The following ZNF669 variants were observed in gnomAD, a reference collection of about 807,000 sequenced individuals.
ZNF669 encodes the protein zinc finger protein 669.
A neutral mutation model predicts 11.4 loss-of-function variants in ZNF669; 7 were observed. The observed-to-expected ratio is 0.62, with a 90% CI of 0.35 to 1.16. ZNF669 has a LOEUF of 1.16. ZNF669 is among the 50% of genes most tolerant of loss of function. The pLI is 0.02. For synonymous variants in ZNF669, 153 were observed against 155.8 expected (o/e 0.98, Z 0.13); for missense variants, 492 against 463.6 (o/e 1.06, Z -0.56).
rs369784884 is a variant in ZNF669, at chr1:247,103,910, G to T, written c.3+287C>A. 5 of 1,565,870 alleles carry T rather than the reference G, an allele frequency of 3.2e-6. No homozygotes were observed. The African/African-American group carries it at 5.4e-5, about 17-fold the overall frequency. On this transcript the variant is annotated intron_variant, in intron 1 of 3. Coordinates refer to ENST00000448299, the MANE Select transcript of ZNF669 (RefSeq NM_001142572.2). The stretch of plus-strand genomic sequence containing the variant: ...CGAGACACCGAGTCGGGGCTCTCCC[G>T]CATCACCCTCCCGTGGTCACCACAC...
At position 247,100,517 on chromosome 1, in the gene ZNF669, A is replaced by G; in HGVS notation, c.994T>C (p.Tyr332His). Reference sequence around the variant, plus strand: ...GCTTTACCGCATTTCTTACATTCATAGGGTTTTTCTCCAGTATGAATTCTT... The same window carrying G: ...GCTTTACCGCATTTCTTACATTCATGGGGTTTTTCTCCAGTATGAATTCTT... Reference protein sequence around the residue: ...HERIHTGEKPYECKKCGKAYT... With the variant: ...HERIHTGEKPHECKKCGKAYT... Residue 332 changes from tyrosine (Y) to histidine (H), a missense_variant, in exon 4 of 4, where the codon TAT (tyrosine) becomes CAT (histidine). Transcript: ENST00000448299. 1 of 1,614,214 alleles carries G rather than the reference A, an allele frequency of 6.2e-7. No homozygotes were observed. The highest frequency in any genetic ancestry group is 8.5e-7 in the Non-Finnish European group (1 of 1,180,034).
At position 247,100,973 on chromosome 1, in the gene ZNF669, C is replaced by A; in HGVS notation, c.538G>T (p.Glu180Ter). The A allele has an allele frequency of 6.2e-7, 1 of 1,613,178 alleles. No individual in the cohort carries two copies. Among genetic ancestry groups the A allele is most frequent in the Non-Finnish European group, 8.5e-7 (1 of 1,179,804 alleles). Residue 180 changes from glutamate to a stop codon, truncating the protein, a stop_gained, in exon 4 of 4, where the codon GAA (glutamate) becomes TAA (stop). Coordinates refer to ENST00000448299, the MANE Select transcript of ZNF669 (RefSeq NM_001142572.2). LOFTEE classifies it low-confidence loss of function (END_TRUNC). ...CCTGTGTGAGTTCTCTGATGTCTTT[C>A]AACTGAATTGAGAAAATAAAAAGCT... ...GKAFYFLNSV[E>*]RHQRTHTGEK...
At chr1:247,103,974 C>A (rs766734081) in intron 1 of ZNF669, 1 of 1,604,072 alleles carries the variant, frequency 6.2e-7, no homozygotes, top group Non-Finnish European at 8.5e-7. Flanking sequence ...CGACAGGGCT[C>A]CGGCCGGCGG....
At position 247,102,090 on chromosome 1, in the gene ZNF669, C is replaced by T; in HGVS notation, c.27G>A (p.Val9=). The T allele has an allele frequency of 6.2e-7, 1 of 1,610,172 alleles. No individual in the cohort carries two copies. Among genetic ancestry groups the T allele is most frequent in the Non-Finnish European group, 8.5e-7 (1 of 1,178,386 alleles). Residue 9 remains valine (V), a synonymous_variant, in exon 2 of 4, where the codon GTG becomes GTA. Transcript: ENST00000448299. MDSVAFED[V]AVNFTQEEWA... ...ATTCCTCCTGGGTAAAGTTCACAGCCACATCCTCAAAAGCCACCGAGTCCT... is the reference window on the plus strand; with the variant it reads ...ATTCCTCCTGGGTAAAGTTCACAGCTACATCCTCAAAAGCCACCGAGTCCT...
chr1:247,101,408 A>G (rs775181383), intron 3 of ZNF669, 89 bp from the exon 4 acceptor site: 11 of 1,419,724 alleles, frequency 7.7e-6, no homozygotes, highest in East Asian at 4.6e-5. Context: ...ACTGCTACCA[A>G]TATCAGGGAA....
At position 247,101,798 on chromosome 1, in the gene ZNF669, T is replaced by C. The variant is rs373822352; in HGVS notation, c.131-7A>G. On this transcript the variant is annotated splice_polypyrimidine_tract_variant and splice_region_variant and intron_variant, in intron 2 of 3. Transcript: ENST00000448299. ...TGGTCTTTCCATTGGCTTCCTAAAA[T>C]GCAGACCCATAAAATTATCATGAAT... is the stretch of plus-strand genomic sequence containing the variant. The C allele has an allele frequency of 3.7e-6, 6 of 1,613,456 alleles. No individual in the cohort carries two copies. The African/African-American group carries it at 8.0e-5, about 22-fold the overall frequency.
At position 247,100,224 on chromosome 1, in the gene ZNF669, T is replaced by C. The variant is rs1671687653; in HGVS notation, c.*150A>G. ...TGGTCTCGATCTCCTGACCTCGTGA[T>C]CCACCCGCCTCGGCCTCCCAAAGTG... On this transcript the variant is annotated 3_prime_UTR_variant, in exon 4 of 4. Transcript: ENST00000448299. 2 of 592,028 alleles carry C rather than the reference T, an allele frequency of 3.4e-6. No homozygotes were observed. Among genetic ancestry groups the C allele is most frequent in the South Asian group, 4.3e-5 (2 of 46,404 alleles). 36.7% of individuals were successfully genotyped at this position (592,028 alleles called of 1,614,324 possible).
Position 247,100,873 on chromosome 1 carries a change from G to A in ZNF669, c.638C>T (p.Thr213Ile), listed in dbSNP as rs755222060. ...VSGSCLIHERTHTGEKPYECK... is the reference protein window; with the variant it reads ...VSGSCLIHERIHTGEKPYECK... Reference sequence around the variant, plus strand: ...TTCGTAGGGTTTCTCTCCAGTGTGAGTTCGTTCATGTATTAGACAAGAACC... The same window carrying A: ...TTCGTAGGGTTTCTCTCCAGTGTGAATTCGTTCATGTATTAGACAAGAACC... The change falls in exon 4 of 4, where the codon ACT becomes ATT. Residue 213 changes from threonine to isoleucine, a missense_variant. Transcript: ENST00000448299. The A allele has an allele frequency of 6.2e-7, 1 of 1,614,144 alleles. No homozygotes were observed. The highest frequency in any genetic ancestry group is 8.5e-7 in the Non-Finnish European group (1 of 1,180,034).
intron 3 of ZNF669, 129 bp downstream of exon 3, chr1:247,101,602 T>C: frequency 1.1e-6 from 1 of 950,094 alleles, no homozygotes; most frequent in Non-Finnish European, 1.5e-6. Flanking sequence ...CGTTACATTT[T>C]GGGTGAAATT....
rs1476064739 is a variant in ZNF669, at chr1:247,100,689, T to A, written c.822A>T (p.Arg274Ser). The change falls in exon 4 of 4, where the codon AGA becomes AGT. Residue 274 changes from arginine (R) to serine (S), a missense_variant. By Grantham distance (110) the Arg-to-Ser change is moderately radical (BLOSUM62 -1). Transcript: ENST00000448299. ...RYHGSIHTGE[R>S]PYECKQCGKA... ...TGCCACATTGTTTACACTCATAGGG[T>A]CTCTCTCCAGTATGAATGCTTCCAT... is the stretch of plus-strand genomic sequence containing the variant. 6.2e-7 allele frequency: 1 copy of A among 1,614,126 alleles called. No individual in the cohort carries two copies. The highest frequency in any genetic ancestry group is 8.5e-7 in the Non-Finnish European group (1 of 1,179,986).
chr1:247,102,783 A>T (rs1671749713), intron 1 of ZNF669, among the ~76,000 whole-genome samples: 1 of 152,248 alleles, frequency 6.6e-6, no homozygotes, highest in Non-Finnish European at 1.5e-5. Context: ...ATGTGATTAC[A>T]CCAAGAGAGA....
intron 2 of ZNF669, 72 bp from the exon 3 acceptor site, chr1:247,101,863 C>T (rs1671731562): frequency 6.2e-7 from 1 of 1,602,314 alleles, no homozygotes; most frequent in Non-Finnish European, 8.5e-7. Flanking sequence ...TTAATGTTCA[C>T]TGTACACAGT....
Position 247,100,213 on chromosome 1 carries a change from T to C in ZNF669, c.*161A>G. 1.7e-6 allele frequency: 1 copy of C among 581,416 alleles called. No homozygotes were observed. The highest frequency in any genetic ancestry group is 3.0e-6 in the Non-Finnish European group (1 of 330,896). The allele number at this position is 581,416 out of a possible 1,614,324, so 36.0% of individuals were successfully genotyped here. On this transcript the variant is annotated 3_prime_UTR_variant, in exon 4 of 4. Coordinates refer to ENST00000448299, the MANE Select transcript of ZNF669 (RefSeq NM_001142572.2). ...GTTGGCCAGGATGGTCTCGATCTCC[T>C]GACCTCGTGATCCACCCGCCTCGGC... is the stretch of plus-strand genomic sequence containing the variant.
rs560830744 is a variant in ZNF669, at chr1:247,104,290, G to C, written c.-91C>G. 7.0e-7 allele frequency: 1 copy of C among 1,431,666 alleles called. No homozygotes were observed. The highest frequency in any genetic ancestry group is 1.5e-5 in the African/African-American group (1 of 67,890). The allele number at this position is 1,431,666 out of a possible 1,614,324, so 88.7% of individuals were successfully genotyped here. The stretch of plus-strand genomic sequence containing the variant: ...GCAGAGGCTGCTGCAGAGCCACCTG[G>C]GCCTCCCAGAGCCAAGAACTAGCAG... On this transcript the variant is annotated 5_prime_UTR_variant, in exon 1 of 4. Transcript: ENST00000448299.
In ZNF669 at chr1:247,103,147, A is replaced by T. The variant is rs75109431; in HGVS notation, c.4-1034T>A. Among the ~76,000 whole-genome samples the T allele has an allele frequency of 1.1e-4, 17 of 152,334 alleles. No individual in the cohort carries two copies. The East Asian group carries it at 3.3e-3, about 29-fold the overall frequency. ...ATATTCAGGACAGCACAGTATTAGC[A>T]GAGAGATGAGCAAGCAGACCAAGGG... On this transcript the variant is annotated intron_variant, in intron 1 of 3. Coordinates refer to ENST00000448299, the MANE Select transcript of ZNF669 (RefSeq NM_001142572.2).
rs58671011 is a variant in ZNF669 at position 247,103,632 on chromosome 1, CAAAAAAAAAA to C, written c.3+555_3+564del. Among the ~76,000 whole-genome samples the C allele has an allele frequency of 9.0e-3, 452 of 50,048 alleles. 1 individual carries two copies. Among genetic ancestry groups the C allele is most frequent in the African/African-American group, 0.023 (427 of 18,318 alleles). The allele number at this position is 50,048 out of a possible 152,430, so 32.8% of individuals were successfully genotyped here. ...TGGCGACAGGGCGAGATTCCGTCTCCAAAAAAAAAAAAAAAAAAAAAAAAAAAGAATATGG... is the reference window on the plus strand; with the variant it reads ...TGGCGACAGGGCGAGATTCCGTCTCCAAAAAAAAAAAAAAAAAGAATATGG... On this transcript the variant is annotated intron_variant, in intron 1 of 3. Coordinates refer to ENST00000448299, the MANE Select transcript of ZNF669 (RefSeq NM_001142572.2).
chr1:247,101,660 CTTGTTT>C, intron 3 of ZNF669, 65 bp downstream of exon 3: 1 of 1,398,888 alleles, frequency 7.1e-7, no homozygotes, highest in Non-Finnish European at 9.8e-7. Context: ...GTTTTGATTG[CTTGTTT>C]TTAAGTTCAT....
rs764291919 is a variant in ZNF669, at chr1:247,100,437, A to C, written c.1074T>G (p.Ala358=). 21 of 1,614,076 alleles carry C rather than the reference A, an allele frequency of 1.3e-5. No homozygotes were observed. The highest frequency in any genetic ancestry group is 1.5e-5 in the Non-Finnish European group (18 of 1,180,032). Reference sequence around the variant, plus strand: ...GATTATAGGCTGAGTCACTACACCCAGCCTCTATATCATGACTTCTTTCAT... The same window carrying C: ...GATTATAGGCTGAGTCACTACACCCCGCCTCTATATCATGACTTCTTTCAT... ...TRHERSHDIE[A]GCSDSAYNPS... is the part of the protein sequence containing the mutation. The change falls in exon 4 of 4, where the codon GCT becomes GCG. Residue 358 remains alanine, a synonymous_variant. Coordinates refer to ENST00000448299, the MANE Select transcript of ZNF669 (RefSeq NM_001142572.2).
At chr1:247,101,884 G>C in intron 2 of ZNF669, 93 bp from the exon 3 acceptor site, 2 of 1,600,166 alleles carry the variant, frequency 1.2e-6, no homozygotes, top group East Asian at 2.2e-5. Flanking sequence ...GCCCATGCCT[G>C]ATTTATTCAC....
Sources: gnomAD v4.1 joint callset for allele counts (sites outside exome capture counted in the v4.1 genomes callset) on GRCh38, gnomAD v4.1.1 for gene constraint, MANE v1.5 for transcripts, NCBI Gene and HGNC (gene_info 2026-07-23, HGNC 2026-07-21) for gene names.